Variants in MALT1 observed in about 807,000 individuals in gnomAD.
MALT1 encodes mucosa-associated lymphoid tissue lymphoma translocation protein 1.
Under a neutral mutation model 85.5 loss-of-function variants are expected in MALT1, and 36 were observed. The observed-to-expected ratio is 0.42, with a 90% CI of 0.32 to 0.56. MALT1 has a LOEUF of 0.56. MALT1 is among the 20% of genes least tolerant of loss of function. MALT1 has a pLI of 0.10. For missense variants in MALT1, 716 were observed against 981.6 expected (o/e 0.73, Z 3.62); for synonymous variants, 359 against 361.3 (o/e 0.99, Z 0.07).
At chr18:58,688,705 T>C (rs984007880) in intron 2 of MALT1, among the ~76,000 whole-genome samples, 2 of 152,156 alleles carry the variant, frequency 1.3e-5, no homozygotes, top group Non-Finnish European at 1.5e-5. Flanking sequence ...ATCCTTCTTG[T>C]CTCTTATCTC....
chr18:58,741,253 G>A (rs2055297460), intron 13 of MALT1, among the ~76,000 whole-genome samples: 1 of 151,788 alleles, frequency 6.6e-6, no homozygotes, highest in African/African-American at 2.4e-5. Context: ...GTTATTTTTT[G>A]TACCTGTTTT....
At chr18:58,680,499 T>G (rs1232030196) in intron 1 of MALT1, among the ~76,000 whole-genome samples, 1 of 152,206 alleles carries the variant, frequency 6.6e-6, no homozygotes, top group African/African-American at 2.4e-5. Context: ...TCTATCCGCT[T>G]CATTTGGGGT....
At position 58,714,824 on chromosome 18, in the gene MALT1, T is replaced by C. The variant is rs150933132; in HGVS notation, c.985+715T>C. Among the ~76,000 whole-genome samples the C allele has an allele frequency of 1.7e-3, 261 of 152,244 alleles. 1 individual carries two copies. The highest frequency in any genetic ancestry group is 0.014 in the Middle Eastern group (4 of 294). ...TGGATAGATCTGAAAATAAAACCTT[T>C]CAGGAATAGTTTAAGAAGGTGGTTA... is the stretch of plus-strand genomic sequence containing the variant. On this transcript the variant is annotated intron_variant, in intron 8 of 16. Coordinates refer to ENST00000649217, the MANE Select transcript of MALT1 (RefSeq NM_006785.4).
At chr18:58,685,047 T>C (rs2054381131) in intron 2 of MALT1, among the ~76,000 whole-genome samples, 1 of 152,104 alleles carries the variant, frequency 6.6e-6, no homozygotes, top group African/African-American at 2.4e-5. Flanking sequence ...TAAAAGATCA[T>C]ATCCAAGACA....
At chr18:58,729,801 A>T (rs1021327520) in intron 10 of MALT1, among the ~76,000 whole-genome samples, 6 of 152,244 alleles carry the variant, frequency 3.9e-5, no homozygotes, top group African/African-American at 1.4e-4. Flanking sequence ...AGAGTGTGTA[A>T]ATGTAAAAGA....
At chr18:58,691,483 C>T (rs529384888) in intron 2 of MALT1, 1 of 229,296 alleles carries the variant, frequency 4.4e-6, no homozygotes, top group South Asian at 5.4e-5. Flanking sequence ...TAGAACACCA[C>T]AGACCTGGCC....
At chr18:58,735,472 A>G (rs922405525) in intron 13 of MALT1, 143 bp downstream of exon 13, 12 of 782,468 alleles carry the variant, frequency 1.5e-5, no homozygotes, top group Non-Finnish European at 2.3e-5. Flanking sequence ...CAATTTTTAT[A>G]TTAATATAAC....
intron 4 of MALT1, among the ~76,000 whole-genome samples, chr18:58,708,735 G>T (rs989805915): frequency 1.3e-5 from 2 of 152,280 alleles, no homozygotes; most frequent in African/African-American, 4.8e-5. Context: ...ATCTATAAGT[G>T]GAATCATATT....
intron 4 of MALT1, among the ~76,000 whole-genome samples, chr18:58,707,310 G>A (rs1183090995): frequency 1.3e-5 from 2 of 150,274 alleles, no homozygotes; most frequent in East Asian, 3.9e-4. Context: ...GAATTAATGT[G>A]AGTCTCTATC....
At chr18:58,731,054 C>T (rs964301900) in intron 10 of MALT1, among the ~76,000 whole-genome samples, 1 of 152,072 alleles carries the variant, frequency 6.6e-6, no homozygotes, top group African/African-American at 2.4e-5. Flanking sequence ...CAGGTTCAAG[C>T]GATTCTCCTG....
chr18:58,714,805 GATC>G (rs1487633523), intron 8 of MALT1, among the ~76,000 whole-genome samples: 2 of 38,686 alleles, frequency 5.2e-5, no homozygotes, highest in Admixed American at 9.1e-4. Context: ...CCTGTGGATA[GATC>G]TGAAAATAAA....
intron 2 of MALT1, among the ~76,000 whole-genome samples, chr18:58,685,240 C>T (rs1352368942): frequency 6.6e-6 from 1 of 152,182 alleles, no homozygotes; most frequent in East Asian, 1.9e-4. Flanking sequence ...GATGATTTTC[C>T]TCTGTCCTTA....
intron 13 of MALT1, among the ~76,000 whole-genome samples, chr18:58,740,506 C>CT (rs143919770): frequency 2.0e-5 from 3 of 151,094 alleles, no homozygotes; most frequent in African/African-American, 7.3e-5. Flanking sequence ...TTTTAGTTGA[C>CT]TTTTTTTTTC....
chr18:58,686,815 A>C (rs927558388), intron 2 of MALT1, among the ~76,000 whole-genome samples: 10 of 152,210 alleles, frequency 6.6e-5, no homozygotes, highest in African/African-American at 2.2e-4. Context: ...CCTTTACTTC[A>C]CATTTTATCT....
Position 58,748,272 on chromosome 18 carries a change from C to T in MALT1, c.*430C>T. 4.4e-6 allele frequency: 1 copy of T among 228,344 alleles called. No individual in the cohort carries two copies. Among genetic ancestry groups the T allele is most frequent in the Non-Finnish European group, 8.7e-6 (1 of 114,764 alleles). The allele number at this position is 228,344 out of a possible 1,614,324, so 14.1% of individuals were successfully genotyped here. ...AAGGCATCTAAGTTAGAGCTGGCAC[C>T]AGAACTGAGACCTCCAGAAATCTAT... On this transcript the variant is annotated 3_prime_UTR_variant, in exon 17 of 17. Coordinates refer to ENST00000649217, the MANE Select transcript of MALT1 (RefSeq NM_006785.4).
rs2055479357 is a variant in MALT1 at position 58,753,882 on chromosome 18, C to T, written c.*6040C>T. ...TTATTCTGTTACAAAATTAGTAAAG[C>T]TGATTCTGCCTCTAAATCTGAAGTA... On this transcript the variant is annotated 3_prime_UTR_variant, in exon 17 of 17. Transcript: ENST00000649217. The T allele has an allele frequency of 6.6e-6, 1 of 152,148 alleles. No individual in the cohort carries two copies. Among genetic ancestry groups the T allele is most frequent in the South Asian group, 2.1e-4 (1 of 4,826 alleles). The allele number at this position is 152,148 out of a possible 1,614,324, so 9.4% of individuals were successfully genotyped here.
At chr18:58,691,322 G>C in intron 2 of MALT1, 1 of 842,954 alleles carries the variant, frequency 1.2e-6, no homozygotes, top group South Asian at 1.3e-5. Flanking sequence ...AACCAGATCA[G>C]CTGTGGGCCA....
In MALT1 at chr18:58,698,079, T is replaced by TG. The variant is rs1456951942; in HGVS notation, c.498+1592_498+1593insG. Among the ~76,000 whole-genome samples the TG allele has an allele frequency of 5.5e-3, 817 of 149,322 alleles. 16 individuals are homozygous for TG. Among genetic ancestry groups the TG allele is most frequent in the East Asian group, 0.041 (212 of 5,130 alleles). On this transcript the variant is annotated intron_variant, in intron 3 of 16. Transcript: ENST00000649217. ...GTTGTTTTGTTTTGTTTTTTTGTTT[T>TG]TTTTTTGAGATGGAGTCTCGCTCTG... is the stretch of plus-strand genomic sequence containing the variant.
intron 4 of MALT1, among the ~76,000 whole-genome samples, chr18:58,704,790 T>A (rs1164207966): frequency 1.3e-5 from 2 of 151,324 alleles, no homozygotes; most frequent in East Asian, 3.9e-4. Flanking sequence ...AGTATATGTT[T>A]TTCATTCTTT....
Sources: allele counts gnomAD v4.1 joint callset (sites outside exome capture counted in the v4.1 genomes callset), GRCh38; gene constraint gnomAD v4.1.1; transcripts MANE v1.5; gene names NCBI Gene and HGNC (gene_info 2026-07-23, HGNC 2026-07-21).